ADAM32: variants seen among roughly 807,000 people sequenced by gnomAD.
The protein encoded by ADAM32 is ADAM metallopeptidase domain 32, also known as disintegrin and metalloproteinase domain-containing protein 32.
In ADAM32, 89 loss-of-function variants were observed where a neutral mutation model predicts 114.9. The observed-to-expected ratio is 0.77, with a 90% confidence interval of 0.65 to 0.92. The LOEUF (loss-of-function observed/expected upper bound fraction) is 0.92, where lower values mean the gene tolerates loss of function less well. Ranked by LOEUF, ADAM32 falls within the 40% of genes least tolerant of loss-of-function variation. ADAM32 has a pLI of 0.00. For missense variants in ADAM32, 870 were observed against 932.8 expected, an observed-to-expected ratio of 0.93 and a Z score of 0.88; for synonymous variants, 285 against 307.5, an observed-to-expected ratio of 0.93 and a Z score of 0.77.
At chr8:39,258,371 C>T (rs1044139375) in intron 19 of ADAM32, among the ~76,000 whole-genome samples, 9 of 142,442 alleles carry the variant, frequency 6.3e-5, no homozygotes, top group Non-Finnish European at 1.3e-4. Flanking sequence ...ATAAGAAATA[C>T]TTTAATAGCA....
chr8:39,269,565 T>A (rs1418545620), intron 19 of ADAM32, among the ~76,000 whole-genome samples: 1 of 152,234 alleles, frequency 6.6e-6, no homozygotes, highest in East Asian at 1.9e-4. Flanking sequence ...TGTTTTAGAC[T>A]TATGGATTCT....
intron 1 of ADAM32, 25 bp from the exon 2 acceptor site, chr8:39,118,061 C>CTTTT: frequency 3.7e-6 from 4 of 1,094,864 alleles, no homozygotes; most frequent in South Asian, 1.7e-5. Flanking sequence ...AGGTTACTAA[C>CTTTT]TTTTTTTTTT....
At chr8:39,130,082 G>T in intron 2 of ADAM32, 1 of 195,610 alleles carries the variant, frequency 5.1e-6, no homozygotes, top group Non-Finnish European at 1.1e-5. Flanking sequence ...ATCCTCCCAA[G>T]TAACTGGGAT....
At chr8:39,112,150 T>G (rs1004906097) in intron 1 of ADAM32, among the ~76,000 whole-genome samples, 4 of 152,194 alleles carry the variant, frequency 2.6e-5, no homozygotes, top group Non-Finnish European at 5.9e-5. Flanking sequence ...AACGACTATG[T>G]TTAACAGTTT....
chr8:39,161,252 G>A (rs1033659578), intron 7 of ADAM32, among the ~76,000 whole-genome samples: 4 of 152,174 alleles, frequency 2.6e-5, no homozygotes, highest in Non-Finnish European at 5.9e-5. Flanking sequence ...ACCATTTAAT[G>A]GTGATTTTGG....
intron 9 of ADAM32, chr8:39,166,538 C>T (rs1442559276): frequency 6.6e-6 from 1 of 152,156 alleles, no homozygotes; most frequent in Non-Finnish European, 1.5e-5. Context: ...ACTTCTTTTC[C>T]TCTGGGTAGA....
At chr8:39,256,567 C>T (rs1475088100) in intron 18 of ADAM32, among the ~76,000 whole-genome samples, 1 of 151,956 alleles carries the variant, frequency 6.6e-6, no homozygotes, top group Admixed American at 6.6e-5. Flanking sequence ...TAATATATGC[C>T]AGGTCCAGGT....
At chr8:39,108,502 A>G (rs1298769948) in intron 1 of ADAM32, among the ~76,000 whole-genome samples, 1 of 152,166 alleles carries the variant, frequency 6.6e-6, no homozygotes, top group African/African-American at 2.4e-5. Context: ...AAAATGATTG[A>G]AAAACTGTAA....
chr8:39,169,147 G>C (rs1477999577), intron 9 of ADAM32: 2 of 152,200 alleles, frequency 1.3e-5, no homozygotes, highest in Non-Finnish European at 2.9e-5. Context: ...TGAATTCCAA[G>C]CTTCTTAAGA....
Position 39,186,991 on chromosome 8 carries a change from A to G in ADAM32, c.998A>G (p.Asp333Gly), listed in dbSNP as rs762601690. Residue 333 changes from aspartate (D) to glycine (G), a missense_variant, in exon 11 of 25, where the codon GAC (aspartate) becomes GGC (glycine). Coordinates refer to ENST00000379907, the MANE Select transcript of ADAM32 (RefSeq NM_145004.7). ...CTCAGTCTGGGAATATCATATGACGACCCAAAGAAATGTCAATGTTCAGAA... is the reference window on the plus strand; with the variant it reads ...CTCAGTCTGGGAATATCATATGACGGCCCAAAGAAATGTCAATGTTCAGAA... ...LALSLGISYD[D>G]PKKCQCSEST... The G allele has an allele frequency of 1.2e-6, 2 of 1,613,148 alleles. No homozygotes were observed. The highest frequency in any genetic ancestry group is 2.7e-5 in the African/African-American group (2 of 74,916).
rs1049168152 is a variant in ADAM32 at position 39,267,182 on chromosome 8, G to T, written c.2163-3694G>T. Among the ~76,000 whole-genome samples the T allele has an allele frequency of 9.2e-5, 14 of 152,192 alleles. 1 individual carries two copies. Among genetic ancestry groups the T allele is most frequent in the African/African-American group, 3.4e-4 (14 of 41,460 alleles). On this transcript the variant is annotated intron_variant, in intron 19 of 24. Transcript: ENST00000379907. ...TTGTGCATGCTGGCAGGGTGGTGAG[G>T]GTTCTGTGTGCCCATGCGTACTGGT...
Position 39,284,828 on chromosome 8 carries a change from TC to T in ADAM32, c.*30del. The T allele has an allele frequency of 6.2e-7, 1 of 1,612,420 alleles. No individual in the cohort carries two copies. The highest frequency in any genetic ancestry group is 8.5e-7 in the Non-Finnish European group (1 of 1,178,606). On this transcript the variant is annotated 3_prime_UTR_variant, in exon 25 of 25. Coordinates refer to ENST00000379907, the MANE Select transcript of ADAM32 (RefSeq NM_145004.7). ...TTCCTTCAGAAGGCAACGGATAACA[TC>T]GAGAGTCTCGCTAAGAAATGAAAAT... is the stretch of plus-strand genomic sequence containing the variant.
intron 12 of ADAM32, among the ~76,000 whole-genome samples, chr8:39,216,572 A>G (rs1808581335): frequency 1.3e-5 from 2 of 149,818 alleles, no homozygotes; most frequent in Non-Finnish European, 3.0e-5. Context: ...CTCTGGTGAT[A>G]TGATTTAATT....
At chr8:39,201,782 A>G (rs1038995373) in intron 11 of ADAM32, among the ~76,000 whole-genome samples, 3 of 152,074 alleles carry the variant, frequency 2.0e-5, no homozygotes, top group African/African-American at 7.2e-5. Flanking sequence ...AATAGCTCTT[A>G]TTATTTTGAG....
chr8:39,235,243 A>G (rs934386739), intron 16 of ADAM32, among the ~76,000 whole-genome samples: 1 of 152,176 alleles, frequency 6.6e-6, no homozygotes, highest in African/African-American at 2.4e-5. Flanking sequence ...ATGTTCATAG[A>G]TTTGAATTCT....
At chr8:39,193,516 C>T (rs956898666) in intron 11 of ADAM32, among the ~76,000 whole-genome samples, 5 of 152,144 alleles carry the variant, frequency 3.3e-5, no homozygotes, top group Non-Finnish European at 7.3e-5. Context: ...AGCCATCTCA[C>T]CTTGGTTAAT....
At chr8:39,161,027 C>A (rs1804478479) in intron 7 of ADAM32, 62 bp downstream of exon 7, 1 of 1,377,368 alleles carries the variant, frequency 7.3e-7, no homozygotes, top group African/African-American at 1.5e-5. Flanking sequence ...TTATGCCTAG[C>A]TAGCTAGACA....
intron 17 of ADAM32, 136 bp downstream of exon 17, chr8:39,246,302 A>G (rs1810915934): frequency 5.8e-6 from 4 of 689,926 alleles, no homozygotes; most frequent in Non-Finnish European, 9.8e-6. Flanking sequence ...AGCTGAATTA[A>G]GTCATTAAAT....
intron 16 of ADAM32, among the ~76,000 whole-genome samples, chr8:39,242,417 T>C (rs7014523): frequency 1.3e-5 from 2 of 152,186 alleles, no homozygotes; most frequent in African/African-American, 4.8e-5. Flanking sequence ...AAGACATACC[T>C]GAGACTGGGC....
Sources: gnomAD v4.1 joint callset for allele counts (sites outside exome capture counted in the v4.1 genomes callset) on GRCh38, gnomAD v4.1.1 for gene constraint, MANE v1.5 for transcripts, NCBI Gene and HGNC (gene_info 2026-07-23, HGNC 2026-07-21) for gene names.